PRR5L: variants seen among roughly 807,000 people sequenced by gnomAD.
PRR5L encodes proline-rich protein 5-like.
Under a neutral mutation model 36.4 loss-of-function variants are expected in PRR5L, and 21 were observed. The ratio of observed to expected loss-of-function variants is 0.58; its 90% confidence interval spans 0.41 to 0.83. PRR5L has a LOEUF of 0.83. Among genes scored for constraint, PRR5L ranks in the 40% least tolerant of loss-of-function variants. The probability of loss-of-function intolerance (pLI) is 0.00; values close to 1 mark genes in which losing one functional copy is unlikely to be tolerated. For missense variants in PRR5L, 381 were observed against 473.3 expected, an observed-to-expected ratio of 0.80 and a Z score of 1.81; for synonymous variants, 188 against 197.0, an observed-to-expected ratio of 0.95 and a Z score of 0.38.
chr11:36,402,034 C>T (rs575479493), intron 2 of PRR5L, among the ~76,000 whole-genome samples: 9 of 152,290 alleles, frequency 5.9e-5, no homozygotes, highest in Non-Finnish European at 1.0e-4. Context: ...CTGTGAGCCA[C>T]AGGTGCTTGG....
intron 1 of PRR5L, among the ~76,000 whole-genome samples, chr11:36,299,397 T>C (rs1856349058): frequency 6.6e-6 from 1 of 152,122 alleles, no homozygotes; most frequent in Non-Finnish European, 1.5e-5. Context: ...TATTGCTTTC[T>C]CCAAAATTCC....
chr11:36,376,840 T>G, intron 1 of PRR5L: 2 of 546,158 alleles, frequency 3.7e-6, no homozygotes, highest in Non-Finnish European at 4.7e-6. Flanking sequence ...GGGAAAAGTG[T>G]CACGTTTGGG....
At chr11:36,423,177 A>C (rs1229265185) in intron 4 of PRR5L, among the ~76,000 whole-genome samples, 1 of 152,160 alleles carries the variant, frequency 6.6e-6, no homozygotes, top group African/African-American at 2.4e-5. Flanking sequence ...GAAGAGAGGA[A>C]ACTTAGCTAC....
At chr11:36,425,186 G>A (rs1858355581) in intron 4 of PRR5L, among the ~76,000 whole-genome samples, 1 of 152,212 alleles carries the variant, frequency 6.6e-6, no homozygotes, top group African/African-American at 2.4e-5. Context: ...AATGCTTTCA[G>A]CATTTCCCCT....
chr11:36,326,905 G>T (rs538134715), intron 1 of PRR5L, among the ~76,000 whole-genome samples: 1 of 152,296 alleles, frequency 6.6e-6, no homozygotes, highest in Admixed American at 6.5e-5. Context: ...TGCACTGGGT[G>T]AATTCCACTA....
chr11:36,421,455 C>T (rs478491), intron 4 of PRR5L, among the ~76,000 whole-genome samples: 148,893 of 152,302 alleles, frequency 0.98, 72,879 homozygotes, highest in East Asian at 1. Flanking sequence ...GGGTGTGGGG[C>T]GAGAACTAGT....
At chr11:36,374,107 TCTCTCTCTCTCTC>T (rs1857228390) in intron 1 of PRR5L, among the ~76,000 whole-genome samples, 3 of 90,496 alleles carry the variant, frequency 3.3e-5, no homozygotes, top group African/African-American at 7.8e-5. Context: ...CCTTCCTTCC[TCTCTCTCTCTCTC>T]TCTTTCTTTC....
intron 1 of PRR5L, among the ~76,000 whole-genome samples, chr11:36,299,480 C>T (rs1856349859): frequency 2.6e-5 from 4 of 152,174 alleles, no homozygotes; most frequent in Admixed American, 2.6e-4. Context: ...AAGAGGGAAA[C>T]CAGTTTCGTG....
rs1292626479 is a variant in PRR5L at position 36,463,126 on chromosome 11, G to A, written c.*390G>A. The A allele has an allele frequency of 5.8e-6, 1 of 171,034 alleles. No individual in the cohort carries two copies. Among genetic ancestry groups the A allele is most frequent in the East Asian group, 1.6e-4 (1 of 6,142 alleles). The allele number at this position is 171,034 out of a possible 1,614,324, so 10.6% of individuals were successfully genotyped here. A position where few individuals can be genotyped will look rare whatever the true frequency, so the allele number is the denominator to read the frequency against. The stretch of plus-strand genomic sequence containing the variant: ...TCAGGACAACACATATAACCACCAA[G>A]GATGTGTTGGCCTTTGGAGTTCCCC... On this transcript the variant is annotated 3_prime_UTR_variant, in exon 9 of 9. Transcript: ENST00000530639.
intron 1 of PRR5L, among the ~76,000 whole-genome samples, chr11:36,351,439 A>G (rs868253764): frequency 7.6e-5 from 4 of 52,358 alleles, no homozygotes; most frequent in African/African-American, 3.0e-4. Context: ...ATTTATATAT[A>G]CATATATATT....
intron 1 of PRR5L, among the ~76,000 whole-genome samples, chr11:36,297,162 G>A (rs1418956456): frequency 6.6e-6 from 1 of 152,150 alleles, no homozygotes; most frequent in East Asian, 1.9e-4. Context: ...AAATGGCAGA[G>A]CCTGGATTTG....
intron 1 of PRR5L, among the ~76,000 whole-genome samples, chr11:36,308,668 C>A (rs1856460209): frequency 6.6e-6 from 1 of 152,222 alleles, no homozygotes. Context: ...TTCAGTAAAT[C>A]TTCACTCATT....
chr11:36,345,896 T>C (rs1438191505), intron 1 of PRR5L, among the ~76,000 whole-genome samples: 1 of 152,196 alleles, frequency 6.6e-6, no homozygotes, highest in Admixed American at 6.5e-5. Flanking sequence ...CCTAAAAGTA[T>C]AATTCCTTTC....
intron 1 of PRR5L, among the ~76,000 whole-genome samples, chr11:36,336,989 A>T (rs918278860): frequency 6.6e-6 from 1 of 152,178 alleles, no homozygotes; most frequent in Non-Finnish European, 1.5e-5. Context: ...TAAATAAATA[A>T]ATATCTTTAC....
intron 1 of PRR5L, among the ~76,000 whole-genome samples, chr11:36,309,643 G>GTGGGGATGATGGTGGTGGTGGTAT (rs1565377534): frequency 6.8e-5 from 5 of 73,506 alleles, no homozygotes; most frequent in Admixed American, 2.7e-4. Flanking sequence ...GGTGGTGGTA[G>GTGGGGATGATGGTGGTGGTGGTAT]TGGGGATGAT....
chr11:36,453,640 G>A (rs1377627729), intron 8 of PRR5L, among the ~76,000 whole-genome samples: 1 of 152,104 alleles, frequency 6.6e-6, no homozygotes, highest in East Asian at 1.9e-4. Flanking sequence ...TGTAAATGAA[G>A]CCAACCCATC....
At chr11:36,352,017 G>T (rs1030274265) in intron 1 of PRR5L, among the ~76,000 whole-genome samples, 1 of 151,796 alleles carries the variant, frequency 6.6e-6, no homozygotes, top group South Asian at 2.1e-4. Flanking sequence ...TTCCATAGTG[G>T]TTGTACTAGT....
At chr11:36,436,569 T>C (rs1858609950) in intron 5 of PRR5L, among the ~76,000 whole-genome samples, 2 of 152,342 alleles carry the variant, frequency 1.3e-5, no homozygotes, top group South Asian at 4.1e-4. Context: ...GCCTTCCCAG[T>C]TACTGTAAAG....
In PRR5L at chr11:36,404,933, G is replaced by A. The variant is rs549614375; in HGVS notation, c.245+1555G>A. On this transcript the variant is annotated intron_variant, in intron 3 of 8. Transcript: ENST00000530639. The stretch of plus-strand genomic sequence containing the variant: ...TGGGGTCAGCCAACACACACGTTGC[G>A]AAGTTTCATTTTTCTCCAAGAACTA... Among the ~76,000 whole-genome samples the A allele has an allele frequency of 3.9e-4, 60 of 152,296 alleles. No homozygotes were observed. In the South Asian group the frequency reaches 9.7e-3, roughly 25 times the overall value.
Sources: allele counts gnomAD v4.1 joint callset (sites outside exome capture counted in the v4.1 genomes callset), GRCh38; gene constraint gnomAD v4.1.1; transcripts MANE v1.5; gene names NCBI Gene and HGNC (gene_info 2026-07-23, HGNC 2026-07-21).